Variants in KCNU1 observed in about 807,000 individuals in gnomAD.
KCNU1 encodes the protein potassium channel subfamily U member 1.
A neutral mutation model predicts 126.8 loss-of-function variants in KCNU1; 93 were observed. The observed-to-expected ratio is 0.73, with a 90% confidence interval of 0.62 to 0.87. KCNU1 has a LOEUF of 0.87. Among genes scored for constraint, KCNU1 ranks in the 40% least tolerant of loss-of-function variants. The probability of loss-of-function intolerance (pLI) is 0.00; values close to 1 mark genes in which losing one functional copy is unlikely to be tolerated. For synonymous variants in KCNU1, 523 were observed against 494.2 expected, an observed-to-expected ratio of 1.06 and a Z score of -0.77; for missense variants, 1,330 against 1,367.1, an observed-to-expected ratio of 0.97 and a Z score of 0.43.
intron 8 of KCNU1, 134 bp from the exon 9 acceptor site, chr8:36,815,462 C>A: frequency 2.0e-6 from 1 of 500,774 alleles, no homozygotes; most frequent in Non-Finnish European, 3.6e-6. Flanking sequence ...AACGAGGTCC[C>A]TTTAACATGC....
intron 2 of KCNU1, among the ~76,000 whole-genome samples, chr8:36,790,697 C>A (rs891969125): frequency 5.3e-5 from 8 of 152,220 alleles, no homozygotes; most frequent in Non-Finnish European, 1.2e-4. Flanking sequence ...TAATCATCTT[C>A]ACCACCCTCC....
chr8:36,933,532 G>T (rs1222130055), intron 26 of KCNU1, among the ~76,000 whole-genome samples: 1 of 152,126 alleles, frequency 6.6e-6, no homozygotes, highest in Non-Finnish European at 1.5e-5. Flanking sequence ...CCCTGAGGAA[G>T]ATAGAAATGC....
chr8:36,806,923 T>G (rs750190983), intron 5 of KCNU1, among the ~76,000 whole-genome samples: 2 of 152,184 alleles, frequency 1.3e-5, no homozygotes, highest in Admixed American at 6.5e-5. Flanking sequence ...CCACCTAAAG[T>G]AAAACATCAT....
chr8:36,787,266 G>A, intron 1 of KCNU1, 40 bp from the exon 2 acceptor site: 2 of 1,559,978 alleles, frequency 1.3e-6, no homozygotes, highest in Non-Finnish European at 8.7e-7. Flanking sequence ...CTTTCTCTCA[G>A]ATCCAGCTCA....
At chr8:36,926,392 G>A (rs1052615254) in intron 24 of KCNU1, among the ~76,000 whole-genome samples, 2 of 152,136 alleles carry the variant, frequency 1.3e-5, no homozygotes, top group Non-Finnish European at 2.9e-5. Flanking sequence ...TGTGCAGAAA[G>A]AAGGAGATGT....
At chr8:36,912,097 A>C (rs1433004537) in intron 22 of KCNU1, among the ~76,000 whole-genome samples, 2 of 152,190 alleles carry the variant, frequency 1.3e-5, no homozygotes, top group African/African-American at 2.4e-5. Flanking sequence ...CTCTGTATCA[A>C]GATCAGGTAC....
At chr8:36,896,807 G>GA (rs1162629901) in intron 19 of KCNU1, among the ~76,000 whole-genome samples, 4 of 151,954 alleles carry the variant, frequency 2.6e-5, no homozygotes, top group Non-Finnish European at 5.9e-5. Context: ...GAGATTATAG[G>GA]AAAACATTTC....
At chr8:36,917,167 T>C (rs1216610931) in intron 22 of KCNU1, among the ~76,000 whole-genome samples, 1 of 152,218 alleles carries the variant, frequency 6.6e-6, no homozygotes, top group Non-Finnish European at 1.5e-5. Flanking sequence ...TTTCACTCTC[T>C]TCTAAGCAGC....
intron 22 of KCNU1, among the ~76,000 whole-genome samples, chr8:36,913,869 G>A (rs1807989875): frequency 6.6e-6 from 1 of 152,040 alleles, no homozygotes; most frequent in Non-Finnish European, 1.5e-5. Flanking sequence ...CCAAAGTGCT[G>A]GGATTACAGG....
intron 19 of KCNU1, among the ~76,000 whole-genome samples, chr8:36,866,008 G>C (rs578001281): frequency 2.4e-4 from 36 of 152,140 alleles, no homozygotes; most frequent in African/African-American, 8.4e-4. Flanking sequence ...TGGAATGGTG[G>C]TTTTCAGAAG....
intron 10 of KCNU1, among the ~76,000 whole-genome samples, chr8:36,818,172 C>T (rs373010686): frequency 6.2e-4 from 95 of 152,294 alleles, no homozygotes; most frequent in African/African-American, 2.2e-3. Flanking sequence ...TATCTTTCCA[C>T]TAGCAGAGCC....
chr8:36,868,817 T>C (rs1490173544), intron 19 of KCNU1, among the ~76,000 whole-genome samples: 1 of 152,126 alleles, frequency 6.6e-6, no homozygotes, highest in East Asian at 1.9e-4. Flanking sequence ...AATCAAGGGA[T>C]CACATGATAT....
intron 24 of KCNU1, among the ~76,000 whole-genome samples, chr8:36,925,547 T>C (rs1193206157): frequency 1.3e-5 from 2 of 152,208 alleles, no homozygotes; most frequent in African/African-American, 4.8e-5. Flanking sequence ...TTCCTTCTCG[T>C]TTCCCTTCTC....
At chr8:36,928,861 C>A (rs17400167) in intron 24 of KCNU1, 132,897 of 584,220 alleles carry the variant, frequency 0.23, 16,705 homozygotes, top group Admixed American at 0.37. Context: ...CTCAGAGTGC[C>A]CTTTAAATTC....
chr8:36,849,688 A>G (rs1319123467), intron 18 of KCNU1, among the ~76,000 whole-genome samples: 1 of 152,226 alleles, frequency 6.6e-6, no homozygotes, highest in East Asian at 1.9e-4. Context: ...ATATTCTGTC[A>G]TATAGATCTA....
chr8:36,840,083 A>G (rs751417970), intron 14 of KCNU1, among the ~76,000 whole-genome samples: 1 of 152,184 alleles, frequency 6.6e-6, no homozygotes, highest in Non-Finnish European at 1.5e-5. Context: ...TTTTAAACCA[A>G]TCTTGAGTAG....
chr8:36,864,572 G>A, intron 19 of KCNU1, 51 bp downstream of exon 19: 1 of 983,990 alleles, frequency 1.0e-6, no homozygotes, highest in Admixed American at 1.7e-5. Context: ...GAGAATCAGT[G>A]GGCCATATAT....
At chr8:36,807,326 G>A in intron 5 of KCNU1, 49 bp from the exon 6 acceptor site, 2 of 1,311,998 alleles carry the variant, frequency 1.5e-6, no homozygotes, top group Middle Eastern at 1.8e-4. Flanking sequence ...GGCTCCCTCT[G>A]GAGTGACCCT....
At chr8:36,870,824 G>A (rs188017609) in intron 19 of KCNU1, among the ~76,000 whole-genome samples, 4 of 152,184 alleles carry the variant, frequency 2.6e-5, no homozygotes, top group East Asian at 1.9e-4. Flanking sequence ...CTTTACTGTA[G>A]CATTTCAAAT....
Sources: allele counts gnomAD v4.1 joint callset (sites outside exome capture counted in the v4.1 genomes callset), GRCh38; gene constraint gnomAD v4.1.1; transcripts MANE v1.5; gene names NCBI Gene and HGNC (gene_info 2026-07-23, HGNC 2026-07-21).